Variants in TACC3 observed in about 807,000 individuals in gnomAD.
The protein encoded by TACC3 is transforming acidic coiled-coil containing protein 3.
A neutral mutation model predicts 86.0 loss-of-function variants in TACC3; 52 were observed. The observed-to-expected ratio is 0.60, with a 90% CI of 0.48 to 0.76. The LOEUF (loss-of-function observed/expected upper bound fraction) is 0.76. TACC3 is among the 30% of genes least tolerant of loss of function. The probability of loss-of-function intolerance (pLI) is 0.00; values close to 1 mark genes in which losing one functional copy is unlikely to be tolerated. For synonymous variants in TACC3, 512 were observed against 430.0 expected (o/e 1.19, Z -2.36); for missense variants, 1,120 against 1,070.4 (o/e 1.05, Z -0.65).
intron 8 of TACC3, among the ~76,000 whole-genome samples, chr4:1,736,102 A>G (rs1386237550): frequency 1.3e-5 from 2 of 152,232 alleles, no homozygotes; most frequent in Non-Finnish European, 2.9e-5. Flanking sequence ...ATCTAAACTT[A>G]AATCTTTTAA....
At chr4:1,730,742 GC>G in intron 4 of TACC3, 144 bp from the exon 5 acceptor site, 1 of 963,072 alleles carries the variant, frequency 1.0e-6, no homozygotes, top group South Asian at 1.4e-5. Context: ...GCTTGGGACA[GC>G]CCCATGCCTG....
At chr4:1,723,002 A>G (rs1717490092) in intron 1 of TACC3, 1 of 167,616 alleles carries the variant, frequency 6.0e-6, no homozygotes, top group African/African-American at 2.4e-5. Flanking sequence ...CTCACGTCAC[A>G]CGCAGAGGCC....
chr4:1,727,343 G>C (rs1344598375), intron 3 of TACC3, among the ~76,000 whole-genome samples: 1 of 152,188 alleles, frequency 6.6e-6, no homozygotes, highest in African/African-American at 2.4e-5. Flanking sequence ...GTGCTGTTTG[G>C]GTGGCAGAGG....
At position 1,744,955 on chromosome 4, in the gene TACC3, A is replaced by G. The variant is rs773390841; in HGVS notation, c.2459A>G (p.Glu820Gly). The change falls in exon 16 of 16, where the codon GAG (glutamate) becomes GGG (glycine). Residue 820 changes from glutamate to glycine, a missense_variant. Transcript: ENST00000313288. Reference protein sequence around the residue: ...LEKTVEQKTKENEELTRICDD... With the variant: ...LEKTVEQKTKGNEELTRICDD... ...CTCATCTTCCTCCTCCAGACTAAAGAGAACGAGGAGCTGACCAGGATCTGC... is the reference window on the plus strand; with the variant it reads ...CTCATCTTCCTCCTCCAGACTAAAGGGAACGAGGAGCTGACCAGGATCTGC... 2 of 1,612,048 alleles carry G rather than the reference A, an allele frequency of 1.2e-6. No individual in the cohort carries two copies. The highest frequency in any genetic ancestry group is 2.2e-5 in the South Asian group (2 of 90,760).
At chr4:1,726,859 T>C (rs771944929) in intron 3 of TACC3, among the ~76,000 whole-genome samples, 4 of 152,090 alleles carry the variant, frequency 2.6e-5, no homozygotes, top group Non-Finnish European at 5.9e-5. Flanking sequence ...CCGGGTGCGG[T>C]GGCTCCTGCC....
intron 12 of TACC3, 38 bp downstream of exon 12, chr4:1,740,040 A>T: frequency 1.2e-6 from 2 of 1,610,038 alleles, no homozygotes; most frequent in Admixed American, 3.3e-5. Context: ...TGCCTCCACG[A>T]GGGGCTGCCT....
At chr4:1,742,582 C>T (rs1222048590) in intron 13 of TACC3, among the ~76,000 whole-genome samples, 1 of 152,186 alleles carries the variant, frequency 6.6e-6, no homozygotes, top group Non-Finnish European at 1.5e-5. Context: ...GGGTGGATCA[C>T]TTGAGGTCAG....
intron 3 of TACC3, among the ~76,000 whole-genome samples, chr4:1,726,653 CG>C (rs1717703735): frequency 1.3e-5 from 2 of 152,134 alleles, no homozygotes; most frequent in Admixed American, 1.3e-4. Context: ...GAAACACAGG[CG>C]GAAATAATGA....
Position 1,735,233 on chromosome 4 carries a change from G to C in TACC3, c.1592-40G>C. On this transcript the variant is annotated intron_variant, in intron 6 of 15. Coordinates refer to ENST00000313288, the MANE Select transcript of TACC3 (RefSeq NM_006342.3). This position sits in a 1 kb window ranked among gnomAD's most constrained non-coding sequence, Gnocchi z 4.2. ...ACCAGCCCGCCGCCCTTAGGGCCCT[G>C]GTGAGGGGCGATGGCGGCGGCATGA... The C allele has an allele frequency of 6.2e-7, 1 of 1,613,370 alleles. No individual in the cohort carries two copies. The highest frequency in any genetic ancestry group is 1.1e-5 in the South Asian group (1 of 91,082).
intron 8 of TACC3, among the ~76,000 whole-genome samples, chr4:1,736,067 A>G (rs550384923): frequency 5.3e-5 from 8 of 152,356 alleles, no homozygotes; most frequent in South Asian, 4.1e-4. Context: ...TGCTGGTTAC[A>G]GCCACCGTTC....
chr4:1,742,491 A>G (rs1034392935), intron 13 of TACC3, among the ~76,000 whole-genome samples: 4 of 152,238 alleles, frequency 2.6e-5, no homozygotes, highest in African/African-American at 9.6e-5. Flanking sequence ...ACTTTAAAGT[A>G]ATTGTCTTCT....
intron 1 of TACC3, 117 bp from the exon 2 acceptor site, chr4:1,723,304 C>T: frequency 1.9e-6 from 2 of 1,027,838 alleles, no homozygotes; most frequent in South Asian, 3.1e-5. Context: ...AGTTCCAGAG[C>T]AATGAGCACA....
intron 12 of TACC3, 103 bp downstream of exon 12, chr4:1,740,105 C>T (rs962007417): frequency 2.5e-6 from 3 of 1,186,046 alleles, no homozygotes; most frequent in Non-Finnish European, 3.7e-6. Flanking sequence ...CCTCCTGAGG[C>T]CCCTTTTCCT....
chr4:1,743,012 C>T (rs1718668239), intron 13 of TACC3, among the ~76,000 whole-genome samples: 1 of 152,082 alleles, frequency 6.6e-6, no homozygotes, highest in Middle Eastern at 3.2e-3. Flanking sequence ...GCCTGTAATC[C>T]CAGCACTTTG....
rs77810169 is a variant in TACC3, at chr4:1,737,039, A to G, written c.1749-202A>G. ...CCGGAAGGACAAGCAGCCACGTGGG[A>G]TGGGCAGGTGAGGGAGGGGGGCACG... On this transcript the variant is annotated intron_variant, in intron 8 of 15. Coordinates refer to ENST00000313288, the MANE Select transcript of TACC3 (RefSeq NM_006342.3). 7.4e-3 allele frequency among the ~76,000 whole-genome samples: 1,127 copies of G among 152,252 alleles called. 13 individuals are homozygous for G. The highest frequency in any genetic ancestry group is 0.024 in the African/African-American group (1,015 of 41,546).
chr4:1,737,519 G>T, intron 9 of TACC3, 79 bp from the exon 10 acceptor site: 1 of 1,248,550 alleles, frequency 8.0e-7, no homozygotes, highest in Non-Finnish European at 1.1e-6. Context: ...GGCCTGTGTG[G>T]GCCTTTCCTC....
At chr4:1,740,134 A>C in intron 12 of TACC3, 132 bp downstream of exon 12, 1 of 865,506 alleles carries the variant, frequency 1.2e-6, no homozygotes, top group Non-Finnish European at 1.8e-6. Flanking sequence ...AGTCCCTTCA[A>C]CATGGGCCCG....
In TACC3 at chr4:1,741,033, T is replaced by A. The variant is rs765864409; in HGVS notation, c.2223+47T>A. 3.2e-6 allele frequency: 5 copies of A among 1,550,488 alleles called. No individual in the cohort carries two copies. The African/African-American group carries it at 6.9e-5, about 22-fold the overall frequency. On this transcript the variant is annotated intron_variant, in intron 13 of 15. Coordinates refer to ENST00000313288, the MANE Select transcript of TACC3 (RefSeq NM_006342.3). ...GTCCTCACCTCGGAGGCTGATGGAC[T>A]CATGGTCCAAGCCAGCGGGGCTACA...
At chr4:1,742,832 G>T (rs887104923) in intron 13 of TACC3, among the ~76,000 whole-genome samples, 19 of 148,080 alleles carry the variant, frequency 1.3e-4, no homozygotes, top group African/African-American at 4.7e-4. Context: ...GTTAGGCATG[G>T]TGGTGTGCAC....
Sources: gnomAD v4.1 joint callset for allele counts (sites outside exome capture counted in the v4.1 genomes callset) on GRCh38, gnomAD v4.1.1 for gene constraint, Gnocchi (gnomAD v3.1) non-coding constraint, MANE v1.5 for transcripts, NCBI Gene and HGNC (gene_info 2026-07-23, HGNC 2026-07-21) for gene names.